The following LPP variants were observed in gnomAD, a reference collection of about 807,000 sequenced individuals.
LPP encodes lipoma-preferred partner.
LPP carries 38 observed loss-of-function variants against 60.4 expected under a neutral mutation model. The ratio of observed to expected loss-of-function variants is 0.63; its 90% CI spans 0.49 to 0.83. The LOEUF (loss-of-function observed/expected upper bound fraction) is 0.83. Among genes scored for constraint, LPP ranks in the 40% least tolerant of loss-of-function variants. The pLI, the probability that LPP is intolerant of heterozygous loss-of-function variation, is 0.00. For synonymous variants in LPP, 328 were observed against 290.8 expected (o/e 1.13, Z -1.30); for missense variants, 902 against 783.6 (o/e 1.15, Z -1.80).
Position 188,300,454 on chromosome 3 carries a change from A to ATTT in LPP, c.-66-41190_-66-41188dup, listed in dbSNP as rs34492581. ...TAAAACATGGCAGGCACACTTGGCC[A>ATTT]TTTTTTTTTTTTTTTTTTTTTGGCA... On this transcript the variant is annotated intron_variant, in intron 2 of 11. Transcript: ENST00000617246. 5.4e-3 allele frequency among the ~76,000 whole-genome samples: 682 copies of ATTT among 125,162 alleles called. 10 individuals carry two copies. Among genetic ancestry groups the ATTT allele is most frequent in the South Asian group, 0.016 (63 of 3,914 alleles). 82.1% of individuals were successfully genotyped at this position (125,162 alleles called of 152,430 possible).
Position 188,245,985 on chromosome 3 carries a change from A to G in LPP, c.-67+20458A>G, listed in dbSNP as rs532091582. On this transcript the variant is annotated intron_variant, in intron 2 of 11. Transcript: ENST00000617246. ...ACTGTAATTGTTGAAATGTATTTTC[A>G]AAGTTTTTTACTTTATTTTTGGACT... is the stretch of plus-strand genomic sequence containing the variant. Among the ~76,000 whole-genome samples, 13 of 152,372 alleles carry G rather than the reference A, an allele frequency of 8.5e-5. No individual in the cohort carries two copies. In the South Asian group the frequency reaches 2.1e-3, roughly 24 times the overall value.
chr3:188,771,785 A>G (rs1736129220), intron 9 of LPP, among the ~76,000 whole-genome samples: 2 of 152,198 alleles, frequency 1.3e-5, no homozygotes, highest in African/African-American at 4.8e-5. Flanking sequence ...CCTAACTTGA[A>G]TCACCAAAGG....
chr3:188,280,194 C>G (rs906764857), intron 2 of LPP, among the ~76,000 whole-genome samples: 2 of 152,070 alleles, frequency 1.3e-5, no homozygotes, highest in Non-Finnish European at 2.9e-5. Context: ...GTGTGGATGT[C>G]TAGCATTTTT....
chr3:188,788,845 AT>A (rs779285950), intron 9 of LPP, among the ~76,000 whole-genome samples: 2 of 152,016 alleles, frequency 1.3e-5, no homozygotes, highest in Non-Finnish European at 2.9e-5. Context: ...CACTCATTTC[AT>A]TTTTTGTTTT....
At chr3:188,819,681 G>C (rs751984878) in intron 9 of LPP, among the ~76,000 whole-genome samples, 1 of 152,086 alleles carries the variant, frequency 6.6e-6, no homozygotes, top group Non-Finnish European at 1.5e-5. Flanking sequence ...GAAAAAGAAA[G>C]GTGAGCTTCA....
At chr3:188,163,493 G>A (rs909554088) in intron 1 of LPP, among the ~76,000 whole-genome samples, 1 of 152,142 alleles carries the variant, frequency 6.6e-6, no homozygotes. Context: ...ACTCTCATAG[G>A]TGTCCTGATT....
intron 8 of LPP, among the ~76,000 whole-genome samples, chr3:188,720,102 G>A (rs921320000): frequency 2.6e-5 from 4 of 152,058 alleles, no homozygotes; most frequent in South Asian, 2.1e-4. Context: ...TAGTAGCTAT[G>A]GGGTTTTACC....
At chr3:188,284,695 C>G (rs1462280638) in intron 2 of LPP, among the ~76,000 whole-genome samples, 1 of 152,038 alleles carries the variant, frequency 6.6e-6, no homozygotes, top group African/African-American at 2.4e-5. Flanking sequence ...AGGGACTTAC[C>G]CAAGGCCATA....
At chr3:188,263,346 A>G (rs1734353394) in intron 2 of LPP, among the ~76,000 whole-genome samples, 1 of 152,190 alleles carries the variant, frequency 6.6e-6, no homozygotes, top group African/African-American at 2.4e-5. Flanking sequence ...AGACTTCAAC[A>G]CAAATGCCAA....
intron 7 of LPP, among the ~76,000 whole-genome samples, chr3:188,640,477 C>T (rs1487763627): frequency 1.3e-5 from 2 of 149,848 alleles, no homozygotes; most frequent in Non-Finnish European, 3.0e-5. Flanking sequence ...ATGTAAGTAA[C>T]CTGCACAATG....
intron 9 of LPP, among the ~76,000 whole-genome samples, chr3:188,816,872 A>G (rs1752618226): frequency 6.6e-6 from 1 of 152,242 alleles, no homozygotes; most frequent in Admixed American, 6.5e-5. Context: ...GAATAGGAAT[A>G]CAAGAAATAT....
chr3:188,616,555 C>T (rs751798576), intron 7 of LPP, among the ~76,000 whole-genome samples: 8 of 149,874 alleles, frequency 5.3e-5, no homozygotes, highest in Non-Finnish European at 1.0e-4. Context: ...CTTGGGATTG[C>T]CTTGTCTGTA....
chr3:188,682,146 T>G (rs1429859691), intron 7 of LPP, among the ~76,000 whole-genome samples: 7 of 152,356 alleles, frequency 4.6e-5, no homozygotes, highest in Admixed American at 2.6e-4. Flanking sequence ...TAGCTAGTTT[T>G]TGGCCATGGC....
At chr3:188,158,395 G>A (rs566451125) in intron 1 of LPP, among the ~76,000 whole-genome samples, 9 of 152,174 alleles carry the variant, frequency 5.9e-5, no homozygotes, top group African/African-American at 2.2e-4. Context: ...GCAAGGGGAA[G>A]GGTGGAAGGA....
At chr3:188,236,129 T>C (rs572015522) in intron 2 of LPP, among the ~76,000 whole-genome samples, 2 of 152,288 alleles carry the variant, frequency 1.3e-5, no homozygotes, top group South Asian at 2.1e-4. Flanking sequence ...AATATTTACA[T>C]TGTGATCTAT....
chr3:188,760,034 C>T (rs1731658385), intron 8 of LPP, 79 bp from the exon 9 acceptor site: 15 of 1,293,180 alleles, frequency 1.2e-5, no homozygotes, highest in Non-Finnish European at 1.7e-5. Flanking sequence ...ACGTTATGAA[C>T]CTGCTTTCTC....
In LPP at chr3:188,569,512, TA is replaced by T. The variant is rs575350441; in HGVS notation, c.430-39644del. ...AGCAATAGCCAATTATTTCTGATAT[TA>T]AAAATTATAATTAAATAAAAGATAT... On this transcript the variant is annotated intron_variant, in intron 6 of 11. Coordinates refer to ENST00000617246, the MANE Select transcript of LPP (RefSeq NM_001375462.1). Among the ~76,000 whole-genome samples the T allele has an allele frequency of 4.5e-3, 688 of 152,126 alleles. 6 individuals carry two copies. The highest frequency in any genetic ancestry group is 0.015 in the African/African-American group (632 of 41,516).
Position 188,484,643 on chromosome 3 carries a change from C to T in LPP, c.245C>T (p.Pro82Leu). 1 of 1,613,988 alleles carries T rather than the reference C, an allele frequency of 6.2e-7. No homozygotes were observed. ...CCTCTAGATGATTCCAGTGCCCTTC[C>T]ATCTATCTCTGGAAACTTTCCTCCT... ...PPPLDDSSAL[P>L]SISGNFPPPP... The change falls in exon 5 of 12, where the codon CCA becomes CTA. Residue 82 changes from proline to leucine, a missense_variant. Physicochemically the swap from Pro to Leu is moderately conservative, Grantham distance 98. Coordinates refer to ENST00000617246, the MANE Select transcript of LPP (RefSeq NM_001375462.1).
chr3:188,256,250 GATTA>G (rs148239457), intron 2 of LPP, among the ~76,000 whole-genome samples: 2,573 of 152,196 alleles, frequency 0.017, 67 homozygotes, highest in African/African-American at 0.056. Context: ...ATAAAAATTA[GATTA>G]ATTAAACCTT....
Sources: gnomAD v4.1 joint callset for allele counts (sites outside exome capture counted in the v4.1 genomes callset) on GRCh38, gnomAD v4.1.1 for gene constraint, MANE v1.5 for transcripts, NCBI Gene and HGNC (gene_info 2026-07-23, HGNC 2026-07-21) for gene names.